CHST13: variants seen among roughly 807,000 people sequenced by gnomAD.
The protein encoded by CHST13 is carbohydrate sulfotransferase 13.
CHST13 carries 1 observed loss-of-function variant against 7.0 expected under a neutral mutation model. That is an observed-to-expected ratio of 0.14 (90% CI 0.05 to 0.68). CHST13 has a LOEUF of 0.68. Among genes scored for constraint, CHST13 ranks in the 30% least tolerant of loss-of-function variants. The pLI is 0.82. For synonymous variants in CHST13, 257 were observed against 240.9 expected, an observed-to-expected ratio of 1.07 and a Z score of -0.62; for missense variants, 572 against 507.9, an observed-to-expected ratio of 1.13 and a Z score of -1.21.
At chr3:126,535,103 C>CAGAT (rs1170457542) in intron 1 of CHST13, among the ~76,000 whole-genome samples, 1 of 74,350 alleles carries the variant, frequency 1.3e-5, no homozygotes, top group East Asian at 4.7e-4. Context: ...GACAGATAGA[C>CAGAT]AGCATCACTG....
chr3:126,541,846 C>T lies in CHST13; in HGVS notation c.294C>T (p.His98=), dbSNP rs752501660. ...TGCTACAGCCGGAGGACCTGCGGCA[C>T]GTGCTGGTGGACGACGCGCATGGCC... ...QRLLQPEDLR[H]VLVDDAHGLL... The change falls in exon 3 of 3, where the codon CAC becomes CAT. Residue 98 remains histidine, a synonymous_variant. Transcript: ENST00000319340. The T allele has an allele frequency of 1.7e-5, 27 of 1,581,722 alleles. No homozygotes were observed. Among genetic ancestry groups the T allele is most frequent in the Non-Finnish European group, 2.1e-5 (25 of 1,164,680 alleles).
intron 1 of CHST13, chr3:126,529,020 A>C: frequency 2.9e-6 from 1 of 346,608 alleles, no homozygotes; most frequent in Non-Finnish European, 5.7e-6. Context: ...CTCCTCTTGC[A>C]ACACTGTAAC....
At position 126,524,342 on chromosome 3, in the gene CHST13, C is replaced by T; in HGVS notation, c.10C>T (p.Arg4Cys). 8.1e-7 allele frequency: 1 copy of T among 1,235,180 alleles called. No individual in the cohort carries two copies. The highest frequency in any genetic ancestry group is 3.4e-5 in the South Asian group (1 of 29,316). 76.5% of individuals were successfully genotyped at this position (1,235,180 alleles called of 1,614,324 possible). ...GCGCGCCCGGCACAGCATGGGGAGG[C>T]GCTGCTGCCGGCGGCGCGTGCTGGC... is the stretch of plus-strand genomic sequence containing the variant. MGR[R>C]CCRRRVLAAA... The change falls in exon 1 of 3, where the codon CGC becomes TGC. Residue 4 changes from arginine to cysteine, a missense_variant. By Grantham distance (180) the Arg-to-Cys change is radical (BLOSUM62 -3). Transcript: ENST00000319340.
At chr3:126,526,921 A>G (rs1309841500) in intron 1 of CHST13, 4 of 152,288 alleles carry the variant, frequency 2.6e-5, no homozygotes, top group Non-Finnish European at 5.9e-5. Flanking sequence ...CACACCACGG[A>G]CCACGGACCT....
At chr3:126,536,209 AC>A in intron 1 of CHST13, 61 bp from the exon 2 acceptor site, 3 of 1,478,716 alleles carry the variant, frequency 2.0e-6, no homozygotes, top group South Asian at 1.2e-5. Context: ...GGTTGGCCAA[AC>A]CCCCAGGTCC....
chr3:126,537,003 C>A (rs1333907560), intron 2 of CHST13, among the ~76,000 whole-genome samples: 1 of 152,104 alleles, frequency 6.6e-6, no homozygotes, highest in Admixed American at 6.6e-5. Flanking sequence ...ATGCTGAGAT[C>A]CAGCAGCAAG....
In CHST13 at chr3:126,524,439, C is replaced by A; in HGVS notation, c.97+10C>A. 9.5e-7 allele frequency: 1 copy of A among 1,056,736 alleles called. No individual in the cohort carries two copies. Among genetic ancestry groups the A allele is most frequent in the Non-Finnish European group, 1.2e-6 (1 of 829,838 alleles). 65.5% of individuals were successfully genotyped at this position (1,056,736 alleles called of 1,614,324 possible). A position where few individuals can be genotyped will look rare whatever the true frequency, so the allele number is the denominator to read the frequency against. On this transcript the variant is annotated intron_variant, in intron 1 of 2. Coordinates refer to ENST00000319340, the MANE Select transcript of CHST13 (RefSeq NM_152889.3). ...CGCTCCCTGCGCCCGGGTGAGTGCC[C>A]GCCGGCCGAGCCGCGCACCCCCAAC...
chr3:126,533,362 C>T (rs776901268), intron 1 of CHST13, among the ~76,000 whole-genome samples: 2 of 152,120 alleles, frequency 1.3e-5, no homozygotes, highest in African/African-American at 2.4e-5. Context: ...GAGGGTTTTT[C>T]GTTGATGCCC....
intron 1 of CHST13, among the ~76,000 whole-genome samples, chr3:126,529,841 C>G (rs541028776): frequency 6.6e-6 from 1 of 152,218 alleles, no homozygotes; most frequent in East Asian, 1.9e-4. Flanking sequence ...GCAGTCACCG[C>G]GTGGCTTTCC....
chr3:126,524,455 C>T, intron 1 of CHST13, 26 bp downstream of exon 1: 1 of 885,472 alleles, frequency 1.1e-6, no homozygotes, highest in South Asian at 5.7e-5. Context: ...CCGAGCCGCG[C>T]ACCCCCAACC....
intron 1 of CHST13, chr3:126,527,971 C>T (rs993377344): frequency 5.9e-5 from 9 of 151,970 alleles, no homozygotes; most frequent in African/African-American, 2.2e-4. Flanking sequence ...AACCCCAAAT[C>T]CTTTTTCTTT....
intron 2 of CHST13, 54 bp downstream of exon 2, chr3:126,536,407 C>A (rs1936792274): frequency 7.1e-7 from 1 of 1,415,776 alleles, no homozygotes; most frequent in Non-Finnish European, 1.0e-6. Context: ...CAGCCAGGAG[C>A]CTGACAGCAA....
chr3:126,542,185 C>T lies in CHST13; in HGVS notation c.633C>T (p.Arg211=), dbSNP rs372671461. Residue 211 remains arginine (R), a synonymous_variant, in exon 3 of 3, where the codon CGC becomes CGT. Coordinates refer to ENST00000319340, the MANE Select transcript of CHST13 (RefSeq NM_152889.3). ...GCATCGTTCAGCGCCTGCGGCCGCG[C>T]GCGCTCCCCGACGCCCGGGCCCGCG... The part of the protein sequence containing the change: ...GARIVQRLRP[R]ALPDARARGH... 1.9e-4 allele frequency: 280 copies of T among 1,443,106 alleles called. 1 individual carries two copies. Among genetic ancestry groups the T allele is most frequent in the Non-Finnish European group, 2.4e-4 (264 of 1,105,338 alleles). The allele number at this position is 1,443,106 out of a possible 1,614,324, so 89.4% of individuals were successfully genotyped here. A position where few individuals can be genotyped will look rare whatever the true frequency, so the allele number is the denominator to read the frequency against.
intron 1 of CHST13, 21 bp downstream of exon 1, chr3:126,524,450 C>T: frequency 2.1e-6 from 2 of 938,766 alleles, no homozygotes; most frequent in East Asian, 3.4e-5. Flanking sequence ...GCCGGCCGAG[C>T]CGCGCACCCC....
Position 126,530,258 on chromosome 3 carries a change from C to T in CHST13, c.97+5829C>T, listed in dbSNP as rs1204708776. On this transcript the variant is annotated intron_variant, in intron 1 of 2. Transcript: ENST00000319340. ...CACTGGCCACAGCTATTCTGAGCCT[C>T]TCTCTGGTACCTGCTCCCTTTTCCC... 3.3e-5 allele frequency among the ~76,000 whole-genome samples: 5 copies of T among 152,370 alleles called. No homozygotes were observed. In the South Asian group the frequency reaches 8.3e-4, roughly 25 times the overall value.
At chr3:126,533,334 T>C (rs1033488794) in intron 1 of CHST13, among the ~76,000 whole-genome samples, 3 of 152,210 alleles carry the variant, frequency 2.0e-5, no homozygotes, top group African/African-American at 7.2e-5. Context: ...CTTCCAGTCT[T>C]TCACTATTAA....
chr3:126,529,699 C>T (rs1300164512), intron 1 of CHST13, among the ~76,000 whole-genome samples: 2 of 152,172 alleles, frequency 1.3e-5, no homozygotes, highest in African/African-American at 4.8e-5. Context: ...CGGGCCCTGT[C>T]GTCCATCACT....
chr3:126,542,838 C>T lies in CHST13; in HGVS notation c.*260C>T, dbSNP rs1937001383. On this transcript the variant is annotated 3_prime_UTR_variant, in exon 3 of 3. Coordinates refer to ENST00000319340, the MANE Select transcript of CHST13 (RefSeq NM_152889.3). ...TTGCTCCAGCTGACAGGCACCTCTC[C>T]AGGCCCCGTAGATGGGCAAGGACTT... is the stretch of plus-strand genomic sequence containing the variant. 2.5e-6 allele frequency: 1 copy of T among 400,336 alleles called. No homozygotes were observed. Among genetic ancestry groups the T allele is most frequent in the Non-Finnish European group, 4.3e-6 (1 of 231,828 alleles). 24.8% of individuals were successfully genotyped at this position (400,336 alleles called of 1,614,324 possible).
In CHST13 at chr3:126,541,909, C is replaced by T; in HGVS notation, c.357C>T (p.Asn119=). 6.2e-7 allele frequency: 1 copy of T among 1,600,316 alleles called. No homozygotes were observed. The highest frequency in any genetic ancestry group is 8.5e-7 in the Non-Finnish European group (1 of 1,174,052). ...YCYVPKVACT[N]WKRVLLALSG... ...ACGTGCCCAAGGTGGCCTGCACCAA[C>T]TGGAAGCGCGTGCTGCTGGCGCTGA... The change falls in exon 3 of 3, where the codon AAC becomes AAT. Residue 119 remains asparagine (N), a synonymous_variant. Transcript: ENST00000319340.
Sources: gnomAD v4.1 joint callset for allele counts (sites outside exome capture counted in the v4.1 genomes callset) on GRCh38, gnomAD v4.1.1 for gene constraint, MANE v1.5 for transcripts, NCBI Gene and HGNC (gene_info 2026-07-23, HGNC 2026-07-21) for gene names.